Variants in TMEM232 observed in about 807,000 individuals in gnomAD.
The protein encoded by TMEM232 is transmembrane protein 232.
Under a neutral mutation model 78.8 loss-of-function variants are expected in TMEM232, and 80 were observed. The observed-to-expected ratio is 1.01, with a 90% CI of 0.85 to 1.22. The LOEUF is 1.22. TMEM232 is among the 50% of genes most tolerant of loss of function. The pLI is 0.00. For missense variants in TMEM232, 881 were observed against 742.2 expected, an observed-to-expected ratio of 1.19 and a Z score of -2.17; for synonymous variants, 297 against 254.3, an observed-to-expected ratio of 1.17 and a Z score of -1.60.
intron 1 of TMEM232, among the ~76,000 whole-genome samples, chr5:110,706,500 T>C (rs372503704): frequency 7.9e-4 from 120 of 152,276 alleles, no homozygotes; most frequent in African/African-American, 2.8e-3. Context: ...CTAACCAAAA[T>C]TGTAGTTCAT....
At chr5:110,727,028 C>A (rs1798220058), upstream of TMEM232, among the ~76,000 whole-genome samples, 1 of 152,134 alleles carries the variant, frequency 6.6e-6, no homozygotes, top group Admixed American at 6.5e-5. Flanking sequence ...AATTGCCGTT[C>A]GTAAGTTCCT....
intron 1 of TMEM232, among the ~76,000 whole-genome samples, chr5:110,683,329 A>G (rs1373651304): frequency 1.3e-5 from 2 of 152,004 alleles, no homozygotes; most frequent in Non-Finnish European, 2.9e-5. Context: ...ACTGATTCAC[A>G]ATTACATAGA....
At chr5:110,531,460 C>T (rs1200526788) in intron 11 of TMEM232, among the ~76,000 whole-genome samples, 1 of 152,198 alleles carries the variant, frequency 6.6e-6, no homozygotes, top group Admixed American at 6.5e-5. Context: ...AAACATCTCA[C>T]TAATTTCAAA....
intron 1 of TMEM232, among the ~76,000 whole-genome samples, chr5:110,722,483 G>A (rs373057609): frequency 1.3e-5 from 2 of 152,072 alleles, no homozygotes; most frequent in Admixed American, 1.3e-4. Flanking sequence ...TTCACTACAC[G>A]GCTGTCAAGT....
intron 12 of TMEM232, among the ~76,000 whole-genome samples, chr5:110,482,965 T>G (rs944076452): frequency 1.3e-5 from 2 of 150,574 alleles, no homozygotes; most frequent in Admixed American, 1.3e-4. Context: ...AGACACTAAT[T>G]TGAATCAACA....
chr5:110,500,248 C>G (rs1293724756), intron 12 of TMEM232, among the ~76,000 whole-genome samples: 1 of 138,936 alleles, frequency 7.2e-6, no homozygotes, highest in Non-Finnish European at 1.5e-5. Context: ...GAGACTGCGC[C>G]ACTGCACTCT....
chr5:110,685,581 G>T (rs756490950), intron 1 of TMEM232, among the ~76,000 whole-genome samples: 12 of 152,012 alleles, frequency 7.9e-5, no homozygotes, highest in Non-Finnish European at 1.5e-4. Flanking sequence ...CTATAACAAT[G>T]TAGGAAATCT....
At chr5:110,620,580 TCTCTCTCTCTCTC>T in intron 7 of TMEM232, among the ~76,000 whole-genome samples, 1 of 2,116 alleles carries the variant, frequency 4.7e-4, no homozygotes, top group East Asian at 0.012. Flanking sequence ...CTCTCATATC[TCTCTCTCTCTCTC>T]TCTCTCTCTC....
downstream of TMEM232, among the ~76,000 whole-genome samples, chr5:110,416,947 G>A (rs956447317): frequency 2.6e-5 from 4 of 152,006 alleles, no homozygotes; most frequent in Admixed American, 2.6e-4. Context: ...CAGGAAAAAA[G>A]CTTATGTTCA....
At chr5:110,637,954 TTG>T (rs201824854) in intron 5 of TMEM232, among the ~76,000 whole-genome samples, 1,525 of 152,210 alleles carry the variant, frequency 0.01, 34 homozygotes, top group African/African-American at 0.034. Context: ...TAGAAGTATA[TTG>T]TTTTTTTAAT....
intron 10 of TMEM232, among the ~76,000 whole-genome samples, chr5:110,588,949 A>G (rs1169852050): frequency 6.6e-6 from 1 of 152,020 alleles, no homozygotes; most frequent in East Asian, 1.9e-4. Context: ...TTAGTTTCCC[A>G]CAGAAGACAT....
At chr5:110,608,786 A>G (rs1781819183) in intron 8 of TMEM232, among the ~76,000 whole-genome samples, 1 of 152,092 alleles carries the variant, frequency 6.6e-6, no homozygotes, top group Non-Finnish European at 1.5e-5. Context: ...AAATCAATGC[A>G]CATAGAAAGG....
At chr5:110,522,432 A>C (rs2149504133) in intron 12 of TMEM232, among the ~76,000 whole-genome samples, 1 of 152,254 alleles carries the variant, frequency 6.6e-6, no homozygotes, top group East Asian at 1.9e-4. Flanking sequence ...TAATTATTCA[A>C]GCTAGGACTT....
intron 1 of TMEM232, among the ~76,000 whole-genome samples, chr5:110,716,247 C>T (rs571015763): frequency 4.6e-5 from 7 of 152,216 alleles, no homozygotes; most frequent in Admixed American, 4.6e-4. Flanking sequence ...TTTTTGGCAC[C>T]AGAGACCAGT....
At position 110,640,060 on chromosome 5, in the gene TMEM232, C is replaced by T. The variant is rs369972406; in HGVS notation, c.343+831G>A. Among the ~76,000 whole-genome samples the T allele has an allele frequency of 5.3e-5, 8 of 152,324 alleles. 1 individual carries two copies. The highest frequency in any genetic ancestry group is 3.9e-4 in the East Asian group (2 of 5,192). The stretch of plus-strand genomic sequence containing the variant: ...GGCAAGGGCCAGTCCTCTTCTAAAT[C>T]ACATGACTGATTAAAACTGAAATGT... On this transcript the variant is annotated intron_variant, in intron 4 of 13. Transcript: ENST00000455884.
chr5:110,614,223 C>T (rs1054654308), intron 8 of TMEM232, among the ~76,000 whole-genome samples: 1 of 151,968 alleles, frequency 6.6e-6, no homozygotes, highest in African/African-American at 2.4e-5. Context: ...AATATCCTCC[C>T]AGAAAAAGTC....
At chr5:110,491,589 T>G (rs898802837) in intron 12 of TMEM232, among the ~76,000 whole-genome samples, 1 of 152,050 alleles carries the variant, frequency 6.6e-6, no homozygotes, top group Non-Finnish European at 1.5e-5. Context: ...GTAGTAGTTA[T>G]ACAATTGTTT....
At chr5:110,494,989 T>C (rs1212359657) in intron 12 of TMEM232, among the ~76,000 whole-genome samples, 1 of 151,736 alleles carries the variant, frequency 6.6e-6, no homozygotes, top group Non-Finnish European at 1.5e-5. Context: ...ATAATGGAAT[T>C]AGAACTATGA....
chr5:110,412,912 T>C (rs969620200), intron 2 of TMEM232, among the ~76,000 whole-genome samples: 1 of 152,212 alleles, frequency 6.6e-6, no homozygotes, highest in African/African-American at 2.4e-5. Context: ...TTTCAAAGCC[T>C]TACACATTAG....
Sources: gnomAD v4.1 joint callset for allele counts (sites outside exome capture counted in the v4.1 genomes callset) on GRCh38, gnomAD v4.1.1 for gene constraint, MANE v1.5 for transcripts, NCBI Gene and HGNC (gene_info 2026-07-23, HGNC 2026-07-21) for gene names.